Variants in MAN2A1 observed in about 807,000 individuals in gnomAD.
MAN2A1 encodes the protein mannosidase alpha class 2A member 1, also known as alpha-mannosidase 2.
MAN2A1 carries 76 observed loss-of-function variants against 142.6 expected under a neutral mutation model. That is an observed-to-expected ratio of 0.53 (90% confidence interval 0.44 to 0.65). MAN2A1 has a LOEUF of 0.65. Ranked by LOEUF, MAN2A1 falls within the 30% of genes least tolerant of loss-of-function variation. The probability of loss-of-function intolerance (pLI) is 0.00; values close to 1 mark genes in which losing one functional copy is unlikely to be tolerated. For synonymous variants in MAN2A1, 559 were observed against 473.2 expected (o/e 1.18, Z -2.35); for missense variants, 1,311 against 1,365.1 (o/e 0.96, Z 0.62).
At chr5:109,790,832 A>G (rs955601228) in intron 12 of MAN2A1, among the ~76,000 whole-genome samples, 2 of 152,126 alleles carry the variant, frequency 1.3e-5, no homozygotes, top group African/African-American at 4.8e-5. Context: ...TTTGTGCCCC[A>G]TCTCTGGGTG....
At position 109,832,161 on chromosome 5, in the gene MAN2A1, C is replaced by CTTTTT. The variant is rs70999945; in HGVS notation, c.2566+8345_2566+8349dup. ...AGTAGCTGGTAATGGAAGGAGTTTTCTTTTTTTTTTTTTTTTTTTTTTTTT... is the reference window on the plus strand; with the variant it reads ...AGTAGCTGGTAATGGAAGGAGTTTTCTTTTTTTTTTTTTTTTTTTTTTTTTTTTTT... On this transcript the variant is annotated intron_variant, in intron 16 of 21. Coordinates refer to ENST00000261483, the MANE Select transcript of MAN2A1 (RefSeq NM_002372.4). Among the ~76,000 whole-genome samples the CTTTTT allele has an allele frequency of 4.6e-3, 237 of 51,208 alleles. 11 individuals are homozygous for CTTTTT. The highest frequency in any genetic ancestry group is 6.4e-3 in the Non-Finnish European group (171 of 26,736). The allele number at this position is 51,208 out of a possible 152,430, so 33.6% of individuals were successfully genotyped here.
chr5:109,862,183 A>T (rs1755775045), intron 20 of MAN2A1: 1 of 152,094 alleles, frequency 6.6e-6, no homozygotes, highest in South Asian at 2.1e-4. Flanking sequence ...ATAGAGGTTT[A>T]CTCAAAGTCA....
At chr5:109,859,859 G>C (rs1323814569) in intron 20 of MAN2A1, among the ~76,000 whole-genome samples, 2 of 149,842 alleles carry the variant, frequency 1.3e-5, no homozygotes, top group Non-Finnish European at 3.0e-5. Flanking sequence ...CTTTAGAAAT[G>C]TGATATGTAG....
intron 4 of MAN2A1, among the ~76,000 whole-genome samples, chr5:109,732,225 TA>T (rs1247534284): frequency 8.0e-5 from 12 of 150,772 alleles, no homozygotes; most frequent in African/African-American, 2.4e-4. Flanking sequence ...TTTTTTCTTG[TA>T]AATTTGTTTG....
chr5:109,860,699 CT>C lies in MAN2A1; in HGVS notation c.3172-4331del, dbSNP rs1580324366. Among the ~76,000 whole-genome samples, 3 of 152,160 alleles carry C rather than the reference CT, an allele frequency of 2.0e-5. No individual in the cohort carries two copies. The East Asian group carries it at 5.8e-4, about 29-fold the overall frequency. ...TCTTCAGTAGAGGACTATTCACCTGCTTTTTTCCTTAAAAGAGACTGTCATG... is the reference window on the plus strand; with the variant it reads ...TCTTCAGTAGAGGACTATTCACCTGCTTTTTCCTTAAAAGAGACTGTCATG... On this transcript the variant is annotated intron_variant, in intron 20 of 21. Coordinates refer to ENST00000261483, the MANE Select transcript of MAN2A1 (RefSeq NM_002372.4).
intron 4 of MAN2A1, among the ~76,000 whole-genome samples, chr5:109,743,607 A>T (rs1752327444): frequency 6.6e-6 from 1 of 152,158 alleles, no homozygotes; most frequent in Non-Finnish European, 1.5e-5. Context: ...TTCCTGTGAC[A>T]TCCAGTTAGT....
rs1047441302 is a variant in MAN2A1, at chr5:109,775,139, A to G, written c.1374+174A>G. 2.0e-5 allele frequency among the ~76,000 whole-genome samples: 3 copies of G among 152,160 alleles called. No individual in the cohort carries two copies. In the East Asian group the frequency reaches 5.8e-4, roughly 29 times the overall value. On this transcript the variant is annotated intron_variant, in intron 8 of 21. Transcript: ENST00000261483. ...GAAAATTATTATATGCTATAGTTCC[A>G]TATCTAAAGTTGTCCCGTTCCTAAC...
intron 10 of MAN2A1, among the ~76,000 whole-genome samples, chr5:109,788,146 A>G (rs1176270642): frequency 1.3e-5 from 2 of 151,518 alleles, no homozygotes; most frequent in African/African-American, 2.4e-5. Flanking sequence ...AGGAGTTTCT[A>G]CGTACTTCTC....
chr5:109,808,545 A>G (rs1033996767), intron 12 of MAN2A1, among the ~76,000 whole-genome samples: 2 of 152,150 alleles, frequency 1.3e-5, no homozygotes, highest in Non-Finnish European at 2.9e-5. Flanking sequence ...GTACGTAAGT[A>G]TACTTTTAAT....
chr5:109,714,749 G>A (rs1751405648), intron 2 of MAN2A1, among the ~76,000 whole-genome samples: 1 of 152,198 alleles, frequency 6.6e-6, no homozygotes, highest in South Asian at 2.1e-4. Context: ...ACTGCTGAGG[G>A]CAGAGAACAT....
At chr5:109,697,844 T>TA (rs1408650440) in intron 1 of MAN2A1, among the ~76,000 whole-genome samples, 1 of 152,252 alleles carries the variant, frequency 6.6e-6, no homozygotes, top group East Asian at 1.9e-4. Context: ...GTAAATTGGT[T>TA]ATTAGATAAG....
intron 16 of MAN2A1, among the ~76,000 whole-genome samples, chr5:109,828,942 G>T (rs141911759): frequency 6.6e-6 from 1 of 152,224 alleles, no homozygotes; most frequent in East Asian, 1.9e-4. Context: ...AACATAAGTG[G>T]ATTTATAACC....
In MAN2A1 at chr5:109,807,593, G is replaced by T. The variant is rs543113714; in HGVS notation, c.1944-9680G>T. The stretch of plus-strand genomic sequence containing the variant: ...TTGTATATCCCATCCACTTGGTTCT[G>T]TTGTCACATAGTCTTCTTCTCTGTT... On this transcript the variant is annotated intron_variant, in intron 12 of 21. Transcript: ENST00000261483. 3.3e-5 allele frequency among the ~76,000 whole-genome samples: 5 copies of T among 152,216 alleles called. No individual in the cohort carries two copies. In the South Asian group the frequency reaches 1.0e-3, roughly 32 times the overall value.
intron 4 of MAN2A1, among the ~76,000 whole-genome samples, chr5:109,747,287 A>C (rs1470481968): frequency 1.3e-5 from 2 of 152,154 alleles, no homozygotes; most frequent in African/African-American, 2.4e-5. Flanking sequence ...AAATATGAGC[A>C]TGATAAGCAT....
chr5:109,710,944 A>G (rs1318736418), intron 1 of MAN2A1, among the ~76,000 whole-genome samples: 4 of 151,824 alleles, frequency 2.6e-5, no homozygotes, highest in African/African-American at 9.7e-5. Flanking sequence ...CCCGCTTCGG[A>G]CTCCCAAAGT....
intron 1 of MAN2A1, among the ~76,000 whole-genome samples, chr5:109,702,346 TGTG>T (rs1427377003): frequency 6.6e-6 from 1 of 151,728 alleles, no homozygotes; most frequent in African/African-American, 2.4e-5. Flanking sequence ...TGTGTGTGTG[TGTG>T]TGTCTGTGTG....
intron 16 of MAN2A1, among the ~76,000 whole-genome samples, chr5:109,832,191 T>C (rs901080659): frequency 1.4e-5 from 2 of 138,060 alleles, no homozygotes; most frequent in Non-Finnish European, 3.2e-5. Flanking sequence ...TTTTTTAGTA[T>C]TTATTGATCA....
In MAN2A1 at chr5:109,772,691, G is replaced by T. The variant is rs530012298; in HGVS notation, c.1197-2097G>T. ...TCGACTAATTGTTTTAAAAAATTTT[G>T]TAGTGACGAGGTCTCCCTGTGTTGC... On this transcript the variant is annotated intron_variant, in intron 7 of 21. Transcript: ENST00000261483. Among the ~76,000 whole-genome samples, 4 of 152,176 alleles carry T rather than the reference G, an allele frequency of 2.6e-5. No individual in the cohort carries two copies. The South Asian group carries it at 8.3e-4, about 32-fold the overall frequency.
intron 16 of MAN2A1, among the ~76,000 whole-genome samples, chr5:109,841,318 C>T (rs1009965875): frequency 6.6e-6 from 1 of 152,114 alleles, no homozygotes; most frequent in South Asian, 2.1e-4. Flanking sequence ...CTCCCAAGTC[C>T]CCAAAGTCCA....
Sources: gnomAD v4.1 joint callset for allele counts (sites outside exome capture counted in the v4.1 genomes callset) on GRCh38, gnomAD v4.1.1 for gene constraint, MANE v1.5 for transcripts, NCBI Gene and HGNC (gene_info 2026-07-23, HGNC 2026-07-21) for gene names.